SOX6: variants seen among roughly 807,000 people sequenced by gnomAD.
SOX6 encodes transcription factor SOX-6.
A neutral mutation model predicts 97.8 loss-of-function variants in SOX6; 11 were observed. The observed-to-expected ratio is 0.11, with a 90% CI of 0.07 to 0.19. The LOEUF is 0.19. Ranked by LOEUF, SOX6 falls within the 10% of genes least tolerant of loss-of-function variation. SOX6 has a pLI of 1.00. For synonymous variants in SOX6, 360 were observed against 371.4 expected (o/e 0.97, Z 0.35); for missense variants, 810 against 1,039.5 (o/e 0.78, Z 3.04).
chr11:16,677,758 G>A lies in SOX6; in HGVS notation n.429+37072C>T, dbSNP rs578029323. On this transcript the variant is annotated intron_variant and non_coding_transcript_variant, in intron 3 of 5. Coordinates refer to the SOX6 transcript ENST00000524520. ...TACCCCCATCATAAATTTTCTGGAA[G>A]AGTTTCTGTCTGATTAGTATTATTT... Among the ~76,000 whole-genome samples the A allele has an allele frequency of 4.6e-5, 7 of 152,274 alleles. No individual in the cohort carries two copies. In the South Asian group the frequency reaches 1.5e-3, roughly 32 times the overall value.
intron 4 of SOX6, among the ~76,000 whole-genome samples, chr11:16,494,688 A>G (rs1400187236): frequency 6.6e-6 from 1 of 152,184 alleles, no homozygotes; most frequent in Non-Finnish European, 1.5e-5. Context: ...AAGGCAAGGA[A>G]GGAAAGGGAA....
At chr11:16,699,005 G>T (rs913830134) in intron 3 of SOX6, among the ~76,000 whole-genome samples, 2 of 152,182 alleles carry the variant, frequency 1.3e-5, no homozygotes, top group African/African-American at 4.8e-5. Context: ...TTAGAAAAAT[G>T]GCACTGACAG....
intron 4 of SOX6, among the ~76,000 whole-genome samples, chr11:16,592,682 G>A (rs546447300): frequency 6.6e-6 from 1 of 152,110 alleles, no homozygotes; most frequent in Admixed American, 6.5e-5. Context: ...CTCATAAAAT[G>A]TAAAGAACAT....
chr11:16,335,231 A>G (rs1234424906), intron 2 of SOX6, among the ~76,000 whole-genome samples: 1 of 152,204 alleles, frequency 6.6e-6, no homozygotes, highest in Non-Finnish European at 1.5e-5. Context: ...TCAGTGATTC[A>G]AGGTAAGGAT....
At position 16,236,585 on chromosome 11, in the gene SOX6, A is replaced by G. The variant is rs1853031915; in HGVS notation, c.446-1914T>C. 2.0e-5 allele frequency among the ~76,000 whole-genome samples: 3 copies of G among 152,176 alleles called. No individual in the cohort carries two copies. In the South Asian group the frequency reaches 6.2e-4, roughly 32 times the overall value. Reference sequence around the variant, plus strand: ...TTACTGATACAATTACAAAAGCATAACTTTTTTAGCTAAAGTTTGAGTTGA... The same window carrying G: ...TTACTGATACAATTACAAAAGCATAGCTTTTTTAGCTAAAGTTTGAGTTGA... On this transcript the variant is annotated intron_variant, in intron 3 of 15. Coordinates refer to ENST00000683767, the MANE Select transcript of SOX6 (RefSeq NM_001367873.1).
chr11:15,977,386 C>T (rs1170258784), intron 15 of SOX6, among the ~76,000 whole-genome samples: 2 of 152,006 alleles, frequency 1.3e-5, no homozygotes, highest in Non-Finnish European at 2.9e-5. Context: ...CACTCTCTAA[C>T]CACCACATCT....
intron 7 of SOX6, among the ~76,000 whole-genome samples, chr11:16,103,581 C>A (rs2133983790): frequency 6.6e-6 from 1 of 152,034 alleles, no homozygotes; most frequent in Non-Finnish European, 1.5e-5. Context: ...ATGTTTACAG[C>A]AGCACAATTT....
At chr11:16,421,233 A>T (rs2133065258) in intron 1 of SOX6, among the ~76,000 whole-genome samples, 1 of 152,306 alleles carries the variant, frequency 6.6e-6, no homozygotes, top group East Asian at 1.9e-4. Context: ...ATTGTTAAGC[A>T]AGATAACATA....
chr11:16,358,870 C>A (rs944817894), upstream of SOX6, among the ~76,000 whole-genome samples: 2 of 152,064 alleles, frequency 1.3e-5, no homozygotes, highest in African/African-American at 2.4e-5. Flanking sequence ...GCTTGTGAAC[C>A]AGAGAAGTTG....
chr11:16,058,539 A>G (rs1186533196), intron 9 of SOX6, among the ~76,000 whole-genome samples: 1 of 152,112 alleles, frequency 6.6e-6, no homozygotes, highest in Non-Finnish European at 1.5e-5. Context: ...TGATGCAGAA[A>G]GTCTGCTTTT....
intron 3 of SOX6, among the ~76,000 whole-genome samples, chr11:16,699,615 G>T (rs1010235395): frequency 6.6e-6 from 1 of 151,812 alleles, no homozygotes; most frequent in African/African-American, 2.4e-5. Context: ...AATATTTAAT[G>T]AATGCCCATT....
chr11:16,386,376 T>C (rs1857987676), intron 1 of SOX6, among the ~76,000 whole-genome samples: 1 of 152,078 alleles, frequency 6.6e-6, no homozygotes, highest in African/African-American at 2.4e-5. Context: ...GTCATGGCCC[T>C]GAAACATAAA....
intron 3 of SOX6, among the ~76,000 whole-genome samples, chr11:16,251,991 T>A (rs887526017): frequency 6.0e-5 from 9 of 150,690 alleles, no homozygotes; most frequent in South Asian, 2.1e-4. Flanking sequence ...AATTTTCTTT[T>A]AAAAAAAAAG....
Position 16,535,998 on chromosome 11 carries a change from CA to C in SOX6, n.610-59611del, listed in dbSNP as rs1050658980. Among the ~76,000 whole-genome samples the C allele has an allele frequency of 3.9e-5, 6 of 152,198 alleles. No homozygotes were observed. The South Asian group carries it at 6.2e-4, about 16-fold the overall frequency. ...AAGCATATTTCAATTTCTGCAACTT[CA>C]ATTTGCAAATGTTATTTTCCATCTT... On this transcript the variant is annotated intron_variant and non_coding_transcript_variant, in intron 4 of 5. Transcript: ENST00000524520.
At chr11:16,519,971 G>C (rs549550986) in intron 4 of SOX6, among the ~76,000 whole-genome samples, 1 of 152,102 alleles carries the variant, frequency 6.6e-6, no homozygotes, top group Non-Finnish European at 1.5e-5. Flanking sequence ...ATTTTTTCAT[G>C]TATTTTTTGG....
At chr11:16,418,965 T>C (rs954257851) in intron 1 of SOX6, among the ~76,000 whole-genome samples, 2 of 152,130 alleles carry the variant, frequency 1.3e-5, no homozygotes, top group Admixed American at 6.6e-5. Flanking sequence ...GTAACATGTG[T>C]AGTCTGGGCA....
intron 13 of SOX6, among the ~76,000 whole-genome samples, chr11:15,992,288 C>T (rs1408178239): frequency 2.6e-5 from 4 of 152,154 alleles, no homozygotes; most frequent in African/African-American, 9.7e-5. Context: ...GAGATTTACC[C>T]AGGGAGGCCA....
At chr11:16,330,021 AAC>A (rs1483747524) in intron 2 of SOX6, among the ~76,000 whole-genome samples, 1 of 152,160 alleles carries the variant, frequency 6.6e-6, no homozygotes, top group Non-Finnish European at 1.5e-5. Flanking sequence ...TTCTTCATAA[AAC>A]ACAGTTTGGC....
intron 4 of SOX6, among the ~76,000 whole-genome samples, chr11:16,499,023 T>C (rs1003685413): frequency 6.6e-6 from 1 of 151,996 alleles, no homozygotes; most frequent in African/African-American, 2.4e-5. Flanking sequence ...TCAGCACCAC[T>C]CACACCTATT....
Sources: gnomAD v4.1 joint callset for allele counts (sites outside exome capture counted in the v4.1 genomes callset) on GRCh38, gnomAD v4.1.1 for gene constraint, MANE v1.5 for transcripts, NCBI Gene and HGNC (gene_info 2026-07-23, HGNC 2026-07-21) for gene names.